The following ZNF831 variants were observed in gnomAD, a reference collection of about 807,000 sequenced individuals.
ZNF831 encodes the protein chromosome 20 open reading frame 174.
Under a neutral mutation model 95.8 loss-of-function variants are expected in ZNF831, and 59 were observed. The observed-to-expected ratio is 0.62, with a 90% CI of 0.50 to 0.77. The LOEUF is 0.77. Among genes scored for constraint, ZNF831 ranks in the 30% least tolerant of loss-of-function variants. ZNF831 has a pLI of 0.00. For synonymous variants in ZNF831, 961 were observed against 925.5 expected (o/e 1.04, Z -0.70); for missense variants, 2,205 against 2,164.0 (o/e 1.02, Z -0.38).
intron 1 of ZNF831, among the ~76,000 whole-genome samples, chr20:59,173,199 C>T (rs1469215135): frequency 6.6e-6 from 1 of 152,196 alleles, no homozygotes; most frequent in Non-Finnish European, 1.5e-5. Flanking sequence ...AAGATGTCCT[C>T]ACCTCGAGTT....
chr20:59,205,715 G>A (rs375682104), intron 3 of ZNF831, among the ~76,000 whole-genome samples: 1 of 152,290 alleles, frequency 6.6e-6, no homozygotes, highest in African/African-American at 2.4e-5. Flanking sequence ...GTAAACTGAG[G>A]CTTGTAAAGG....
At chr20:59,170,346 C>T (rs572387415) in intron 1 of ZNF831, among the ~76,000 whole-genome samples, 16 of 152,298 alleles carry the variant, frequency 1.1e-4, no homozygotes, top group Admixed American at 7.8e-4. Flanking sequence ...TGTTTTCACA[C>T]GTCAGTGTAT....
At chr20:59,215,735 TCTTTA>T (rs1985636998) in intron 4 of ZNF831, among the ~76,000 whole-genome samples, 1 of 152,260 alleles carries the variant, frequency 6.6e-6, no homozygotes, top group Non-Finnish European at 1.5e-5. Flanking sequence ...CCTATGTGAT[TCTTTA>T]CTTATTTTTT....
At chr20:59,241,558 A>G (rs1336685212) in intron 4 of ZNF831, among the ~76,000 whole-genome samples, 1 of 152,204 alleles carries the variant, frequency 6.6e-6, no homozygotes, top group African/African-American at 2.4e-5. Flanking sequence ...TTTGTAAGAA[A>G]CGTTTATAAG....
intron 4 of ZNF831, among the ~76,000 whole-genome samples, chr20:59,241,059 A>G (rs1305939378): frequency 6.6e-6 from 1 of 152,178 alleles, no homozygotes; most frequent in African/African-American, 2.4e-5. Flanking sequence ...TCCTATAATT[A>G]AAGTTTTATA....
At chr20:59,185,973 G>A (rs1192070339) in intron 1 of ZNF831, among the ~76,000 whole-genome samples, 1 of 152,230 alleles carries the variant, frequency 6.6e-6, no homozygotes, top group Non-Finnish European at 1.5e-5. Flanking sequence ...ACTGCAGGCA[G>A]TGCTTCTGTG....
intron 1 of ZNF831, among the ~76,000 whole-genome samples, chr20:59,165,813 A>G (rs911420519): frequency 6.6e-6 from 1 of 151,878 alleles, no homozygotes; most frequent in African/African-American, 2.4e-5. Context: ...GTGCAGTGGC[A>G]TGATCAGCTC....
At position 59,254,877 on chromosome 20, in the gene ZNF831, A is replaced by G; in HGVS notation, c.*134A>G. The G allele has an allele frequency of 7.6e-7, 1 of 1,313,578 alleles. No individual in the cohort carries two copies. The highest frequency in any genetic ancestry group is 1.0e-6 in the Non-Finnish European group (1 of 971,970). The allele number at this position is 1,313,578 out of a possible 1,614,324, so 81.4% of individuals were successfully genotyped here. A position where few individuals can be genotyped will look rare whatever the true frequency, so the allele number is the denominator to read the frequency against. On this transcript the variant is annotated 3_prime_UTR_variant, in exon 6 of 6. Transcript: ENST00000371030. This position sits in a 1 kb window ranked among gnomAD's most constrained non-coding sequence, Gnocchi z 4.5. ...TTAGGAAAGCCATTTTGAGTTATTTACAAGCCAACTCCAACCAACTTCTGA... is the reference window on the plus strand; with the variant it reads ...TTAGGAAAGCCATTTTGAGTTATTTGCAAGCCAACTCCAACCAACTTCTGA...
At position 59,257,793 on chromosome 20, in the gene ZNF831, G is replaced by C. The variant is rs907811083; in HGVS notation, c.*3050G>C. 1 of 152,154 alleles carries C rather than the reference G, an allele frequency of 6.6e-6. No homozygotes were observed. Among genetic ancestry groups the C allele is most frequent in the African/African-American group, 2.4e-5 (1 of 41,434 alleles). The allele number at this position is 152,154 out of a possible 1,614,324, so 9.4% of individuals were successfully genotyped here. A position where few individuals can be genotyped will look rare whatever the true frequency, so the allele number is the denominator to read the frequency against. ...GCCTCAGTTTCTTCCACAGAGAATA[G>C]TTAGAGGGATGCTGTCATGAACTAA... On this transcript the variant is annotated 3_prime_UTR_variant, in exon 6 of 6. Transcript: ENST00000371030.
chr20:59,219,863 CAGA>C (rs1370092557), intron 4 of ZNF831, among the ~76,000 whole-genome samples: 1 of 152,032 alleles, frequency 6.6e-6, no homozygotes, highest in Non-Finnish European at 1.5e-5. Flanking sequence ...TCTGTGCCGA[CAGA>C]AGGTGGGAAG....
chr20:59,243,289 A>T (rs750759019), intron 4 of ZNF831, among the ~76,000 whole-genome samples: 1 of 152,222 alleles, frequency 6.6e-6, no homozygotes, highest in South Asian at 2.1e-4. Context: ...GCTGCCTTTC[A>T]TTGAAAAAAT....
At chr20:59,198,355 T>C (rs558068070) in intron 3 of ZNF831, among the ~76,000 whole-genome samples, 1 of 152,332 alleles carries the variant, frequency 6.6e-6, no homozygotes, top group African/African-American at 2.4e-5. Context: ...TATGGGAAGC[T>C]CTGAAGACAC....
chr20:59,129,628 G>GACAA (rs1490726296), intron 1 of ZNF831, among the ~76,000 whole-genome samples: 1 of 152,142 alleles, frequency 6.6e-6, no homozygotes, highest in Admixed American at 6.5e-5. Context: ...GGCTCAAACA[G>GACAA]ACAAACAAAC....
chr20:59,243,127 G>C lies in ZNF831; in HGVS notation c.4028-9851G>C, dbSNP rs140754961. Among the ~76,000 whole-genome samples, 176 of 152,242 alleles carry C rather than the reference G, an allele frequency of 1.2e-3. 1 individual carries two copies. Among genetic ancestry groups the C allele is most frequent in the African/African-American group, 3.9e-3 (162 of 41,542 alleles). ...ATGAGGGAGACCTCTATTCTTTCCC[G>C]TTGTCTTATTTACTTTCCCTCTTAA... On this transcript the variant is annotated intron_variant, in intron 4 of 5. Coordinates refer to ENST00000371030, the MANE Select transcript of ZNF831 (RefSeq NM_178457.3).
chr20:59,137,791 T>C (rs1203994118), intron 1 of ZNF831, among the ~76,000 whole-genome samples: 2 of 152,302 alleles, frequency 1.3e-5, no homozygotes, highest in East Asian at 3.9e-4. Flanking sequence ...CACAGCTGTG[T>C]TATTCTAAGA....
chr20:59,243,939 ATT>A (rs11479355), intron 4 of ZNF831, among the ~76,000 whole-genome samples: 2 of 151,442 alleles, frequency 1.3e-5, no homozygotes, highest in Admixed American at 6.6e-5. Context: ...AATATTAACA[ATT>A]TTTTTTTCCC....
intron 3 of ZNF831, among the ~76,000 whole-genome samples, chr20:59,200,723 A>G (rs1299572438): frequency 5.3e-5 from 8 of 152,086 alleles, no homozygotes; most frequent in African/African-American, 1.9e-4. Context: ...TAGAAACAGA[A>G]TCATACAATA....
At chr20:59,136,318 T>A (rs967157796) in intron 1 of ZNF831, among the ~76,000 whole-genome samples, 2 of 152,224 alleles carry the variant, frequency 1.3e-5, no homozygotes, top group African/African-American at 4.8e-5. Flanking sequence ...CCCAACTTTA[T>A]AATTGAGAGT....
At chr20:59,156,424 G>A (rs991251683) in intron 2 of ZNF831, among the ~76,000 whole-genome samples, 5 of 152,148 alleles carry the variant, frequency 3.3e-5, no homozygotes, top group Non-Finnish European at 7.3e-5. Context: ...TACTCGGGAG[G>A]CTGAGGCAGG....
Sources: gnomAD v4.1 joint callset for allele counts (sites outside exome capture counted in the v4.1 genomes callset) on GRCh38, gnomAD v4.1.1 for gene constraint, Gnocchi (gnomAD v3.1) non-coding constraint, MANE v1.5 for transcripts, NCBI Gene and HGNC (gene_info 2026-07-23, HGNC 2026-07-21) for gene names.